The following BTF3L4 variants were observed in gnomAD, a reference collection of about 807,000 sequenced individuals.
The protein encoded by BTF3L4 is transcription factor BTF3 homolog 4.
BTF3L4 carries 6 observed loss-of-function variants against 16.8 expected under a neutral mutation model. The ratio of observed to expected loss-of-function variants is 0.36; its 90% confidence interval spans 0.20 to 0.71. The LOEUF (loss-of-function observed/expected upper bound fraction) is 0.71, where lower values mean the gene tolerates loss of function less well. Ranked by LOEUF, BTF3L4 falls within the 30% of genes least tolerant of loss-of-function variation. BTF3L4 has a pLI of 0.58. For missense variants in BTF3L4, 92 were observed against 186.9 expected (o/e 0.49, Z 2.96); for synonymous variants, 39 against 59.8 (o/e 0.65, Z 1.60).
chr1:52,084,029 A>G (rs1172764206), intron 4 of BTF3L4, among the ~76,000 whole-genome samples: 1 of 152,184 alleles, frequency 6.6e-6, no homozygotes, highest in Non-Finnish European at 1.5e-5. Flanking sequence ...TCAAAAAAAA[A>G]AAAAAAGAAT....
chr1:52,060,567 C>G, intron 2 of BTF3L4: 1 of 1,205,304 alleles, frequency 8.3e-7, no homozygotes, highest in Non-Finnish European at 1.1e-6. Flanking sequence ...GCTGTGGCAC[C>G]AGGCTCAAGG....
chr1:52,077,512 T>C (rs1686964264), intron 3 of BTF3L4, among the ~76,000 whole-genome samples: 2 of 152,138 alleles, frequency 1.3e-5, no homozygotes, highest in Admixed American at 6.5e-5. Flanking sequence ...GAGCCGAGAT[T>C]GCGCCATTGC....
chr1:52,059,897 G>A lies in BTF3L4; in HGVS notation c.50G>A (p.Gly17Asp). The A allele has an allele frequency of 6.2e-7, 1 of 1,611,732 alleles. No homozygotes were observed. The highest frequency in any genetic ancestry group is 8.5e-7 in the Non-Finnish European group (1 of 1,178,694). ...CTTCAGGCTCAGGTCCGGATAGGGGGCAAGGTGAGTGTGGCATAAGAAAAA... is the reference window on the plus strand; with the variant it reads ...CTTCAGGCTCAGGTCCGGATAGGGGACAAGGTGAGTGTGGCATAAGAAAAA... ...AKLQAQVRIG[G>D]KGTARRKKKV... Residue 17 changes from glycine to aspartate, a missense_variant, in exon 2 of 6, where the codon GGC becomes GAC. Coordinates refer to ENST00000313334, the MANE Select transcript of BTF3L4 (RefSeq NM_152265.5).
intron 3 of BTF3L4, among the ~76,000 whole-genome samples, chr1:52,070,459 T>C (rs1337865047): frequency 6.8e-6 from 1 of 147,308 alleles, no homozygotes; most frequent in Non-Finnish European, 1.5e-5. Context: ...TTCAGGAGGC[T>C]GAGGCAGGGG....
At chr1:52,059,697 A>T in intron 1 of BTF3L4, 138 bp from the exon 2 acceptor site, 1 of 475,138 alleles carries the variant, frequency 2.1e-6, no homozygotes, top group Non-Finnish European at 3.7e-6. Context: ...AATGTTTATT[A>T]AGAATATAGA....
chr1:52,061,077 C>T lies in BTF3L4; in HGVS notation c.54+1176C>T, dbSNP rs533979167. Among the ~76,000 whole-genome samples the T allele has an allele frequency of 3.2e-4, 49 of 152,264 alleles. No individual in the cohort carries two copies. In the South Asian group the frequency reaches 8.9e-3, roughly 28 times the overall value. ...GGGAGAGAGATGCTCACAATTATAACGCAGAATAGTGAGTGTTATAATGAA... is the reference window on the plus strand; with the variant it reads ...GGGAGAGAGATGCTCACAATTATAATGCAGAATAGTGAGTGTTATAATGAA... On this transcript the variant is annotated intron_variant, in intron 2 of 5. Transcript: ENST00000313334.
rs1558007731 is a variant in BTF3L4 at position 52,073,495 on chromosome 1, C to CT, written c.168+8557_168+8558insT. On this transcript the variant is annotated intron_variant, in intron 3 of 5. Coordinates refer to ENST00000313334, the MANE Select transcript of BTF3L4 (RefSeq NM_152265.5). Reference sequence around the variant, plus strand: ...ATATGCACTATATATATGCTACATACACACACACACACACACACACACACA... The same window carrying CT: ...ATATGCACTATATATATGCTACATACTACACACACACACACACACACACACA... Among the ~76,000 whole-genome samples the CT allele has an allele frequency of 5.9e-5, 4 of 68,038 alleles. No individual in the cohort carries two copies. In the East Asian group the frequency reaches 2.5e-3, roughly 43 times the overall value. 44.6% of individuals were successfully genotyped at this position (68,038 alleles called of 152,430 possible).
At chr1:52,070,740 C>T (rs1234003411) in intron 3 of BTF3L4, among the ~76,000 whole-genome samples, 1 of 147,908 alleles carries the variant, frequency 6.8e-6, no homozygotes, top group Non-Finnish European at 1.5e-5. Context: ...TGGGTTCAAG[C>T]AATTCTCATG....
At chr1:52,058,180 C>T (rs1292671223) in intron 1 of BTF3L4, among the ~76,000 whole-genome samples, 1 of 152,186 alleles carries the variant, frequency 6.6e-6, no homozygotes, top group East Asian at 1.9e-4. Context: ...AAGTCTATGG[C>T]AGAGCTAAGA....
chr1:52,065,968 G>A (rs1256862477), intron 3 of BTF3L4, among the ~76,000 whole-genome samples: 1 of 152,134 alleles, frequency 6.6e-6, no homozygotes, highest in Admixed American at 6.5e-5. Flanking sequence ...AACCCAGGAG[G>A]CGGAGGTTAC....
intron 3 of BTF3L4, among the ~76,000 whole-genome samples, chr1:52,073,549 T>C (rs951923506): frequency 6.7e-6 from 1 of 150,034 alleles, no homozygotes; most frequent in African/African-American, 2.5e-5. Context: ...CAGCTAGATG[T>C]ACAATTTAGA....
At chr1:52,082,958 GA>G (rs1167536225) in intron 3 of BTF3L4, among the ~76,000 whole-genome samples, 3 of 152,198 alleles carry the variant, frequency 2.0e-5, no homozygotes, top group African/African-American at 7.2e-5. Context: ...CTGCCAAGTG[GA>G]AATTGCACTG....
chr1:52,075,195 AT>A (rs1686900012), intron 3 of BTF3L4, among the ~76,000 whole-genome samples: 1 of 152,112 alleles, frequency 6.6e-6, no homozygotes, highest in Non-Finnish European at 1.5e-5. Context: ...CTTTTTAATT[AT>A]TTATTATACA....
intron 5 of BTF3L4, 135 bp downstream of exon 5, chr1:52,086,306 A>G (rs1643972599): frequency 1.6e-6 from 1 of 622,350 alleles, no homozygotes; most frequent in Non-Finnish European, 2.6e-6. Flanking sequence ...TGTGGATAGG[A>G]TCTAATGAAA....
intron 3 of BTF3L4, among the ~76,000 whole-genome samples, chr1:52,076,082 A>G (rs1001964481): frequency 3.3e-5 from 5 of 152,202 alleles, no homozygotes; most frequent in African/African-American, 4.8e-5. Flanking sequence ...CACTACCTGC[A>G]GCATATATAA....
At chr1:52,085,013 C>CTTTTTTTTTT (rs764763479) in intron 4 of BTF3L4, among the ~76,000 whole-genome samples, 2 of 58,514 alleles carry the variant, frequency 3.4e-5, no homozygotes, top group African/African-American at 6.8e-5. Context: ...TGAAAAAAAT[C>CTTTTTTTTTT]TTTTTTTTTT....
chr1:52,081,774 A>C (rs1363797644), intron 3 of BTF3L4, among the ~76,000 whole-genome samples: 1 of 152,194 alleles, frequency 6.6e-6, no homozygotes, highest in African/African-American at 2.4e-5. Flanking sequence ...GAATTTAAAT[A>C]GTGATTTTTG....
In BTF3L4 at chr1:52,088,024, T is replaced by G. The variant is rs1643987384; in HGVS notation, c.*1266T>G. ...TACCTCCTTTAAGAGGACTTGGAGG[T>G]AAGTTGCATTCATTCACTCAAGTTT... On this transcript the variant is annotated 3_prime_UTR_variant, in exon 6 of 6. Transcript: ENST00000313334. 1 of 152,598 alleles carries G rather than the reference T, an allele frequency of 6.6e-6. No individual in the cohort carries two copies. The highest frequency in any genetic ancestry group is 6.6e-5 in the Admixed American group (1 of 15,266). The allele number at this position is 152,598 out of a possible 1,614,324, so 9.5% of individuals were successfully genotyped here.
chr1:52,069,820 A>C (rs1298817125), intron 3 of BTF3L4, among the ~76,000 whole-genome samples: 1 of 152,112 alleles, frequency 6.6e-6, no homozygotes, highest in African/African-American at 2.4e-5. Context: ...CTAATTTTCT[A>C]CTGTCAGTAC....
Sources: allele counts gnomAD v4.1 joint callset (sites outside exome capture counted in the v4.1 genomes callset), GRCh38; gene constraint gnomAD v4.1.1; transcripts MANE v1.5; gene names NCBI Gene and HGNC (gene_info 2026-07-23, HGNC 2026-07-21).